Variants in PRKG1 observed in about 807,000 individuals in gnomAD.
PRKG1 encodes the protein cGMP-dependent protein kinase 1.
PRKG1 carries 35 observed loss-of-function variants against 88.1 expected under a neutral mutation model. The ratio of observed to expected loss-of-function variants is 0.40; its 90% CI spans 0.30 to 0.53. The LOEUF is 0.53. Among genes scored for constraint, PRKG1 ranks in the 20% least tolerant of loss-of-function variants. PRKG1 has a pLI of 0.59. For synonymous variants in PRKG1, 303 were observed against 292.5 expected, an observed-to-expected ratio of 1.04 and a Z score of -0.37; for missense variants, 540 against 839.8, an observed-to-expected ratio of 0.64 and a Z score of 4.41.
chr10:51,646,593 T>C (rs1353515150), intron 3 of PRKG1, among the ~76,000 whole-genome samples: 2 of 152,078 alleles, frequency 1.3e-5, no homozygotes, highest in Non-Finnish European at 2.9e-5. Context: ...ACAGTTACAT[T>C]AAAAACAATT....
chr10:52,041,979 T>G (rs1172938094), intron 5 of PRKG1, among the ~76,000 whole-genome samples: 1 of 152,170 alleles, frequency 6.6e-6, no homozygotes, highest in Non-Finnish European at 1.5e-5. Context: ...AAAAATTAGA[T>G]ACCTAGGAAT....
intron 3 of PRKG1, among the ~76,000 whole-genome samples, chr10:51,749,514 C>A (rs1463039005): frequency 2.0e-5 from 3 of 152,038 alleles, no homozygotes; most frequent in Non-Finnish European, 4.4e-5. Flanking sequence ...GATTATGACC[C>A]CTCCATTATG....
chr10:51,305,112 G>A (rs898816905), intron 2 of PRKG1, among the ~76,000 whole-genome samples: 1 of 152,144 alleles, frequency 6.6e-6, no homozygotes, highest in Non-Finnish European at 1.5e-5. Context: ...GATGGAGTGA[G>A]TCACAGGACT....
intron 3 of PRKG1, among the ~76,000 whole-genome samples, chr10:51,481,648 T>C (rs1005338860): frequency 6.6e-6 from 1 of 152,214 alleles, no homozygotes; most frequent in Non-Finnish European, 1.5e-5. Context: ...AAGTAACTCA[T>C]TATTGGCGTA....
chr10:52,242,517 G>T (rs571147977), intron 9 of PRKG1, among the ~76,000 whole-genome samples: 11 of 152,168 alleles, frequency 7.2e-5, no homozygotes, highest in Non-Finnish European at 1.3e-4. Flanking sequence ...TATGGCCAAT[G>T]ATTCCATTAA....
intron 4 of PRKG1, among the ~76,000 whole-genome samples, chr10:51,862,803 A>AT (rs964017051): frequency 6.6e-6 from 1 of 152,056 alleles, no homozygotes; most frequent in African/African-American, 2.4e-5. Context: ...CAACATGTGT[A>AT]TTTTTATAGC....
chr10:51,137,351 A>G (rs562351890), intron 1 of PRKG1, among the ~76,000 whole-genome samples: 7 of 152,234 alleles, frequency 4.6e-5, no homozygotes, highest in Non-Finnish European at 8.8e-5. Context: ...CTATAAATAT[A>G]TGACAGTAAA....
chr10:51,163,726 G>GC (rs1237389121), intron 2 of PRKG1, among the ~76,000 whole-genome samples: 5 of 152,200 alleles, frequency 3.3e-5, no homozygotes. Flanking sequence ...TTAAAAAACG[G>GC]CGCACCAGGA....
intron 2 of PRKG1, among the ~76,000 whole-genome samples, chr10:51,458,458 G>C (rs77274001): frequency 0.033 from 4,981 of 150,938 alleles, 93 homozygotes; most frequent in Admixed American, 0.058. Context: ...ACCAGATATG[G>C]TATGAATTAA....
At chr10:51,357,628 G>A (rs1189307) in intron 2 of PRKG1, among the ~76,000 whole-genome samples, 151,173 of 152,118 alleles carry the variant, frequency 0.99, 75,119 homozygotes, top group Middle Eastern at 1. Context: ...GTTATGCTTT[G>A]CATGGGAAAT....
intron 2 of PRKG1, among the ~76,000 whole-genome samples, chr10:51,236,478 T>C (rs1001535259): frequency 1.3e-5 from 2 of 151,906 alleles, no homozygotes; most frequent in African/African-American, 4.8e-5. Context: ...GGCAATAGTA[T>C]AGATGTTCAT....
chr10:51,311,044 A>C (rs1274428159), intron 2 of PRKG1, among the ~76,000 whole-genome samples: 9 of 152,038 alleles, frequency 5.9e-5, no homozygotes. Flanking sequence ...CATCTGAGGA[A>C]AGGTCACTAT....
intron 4 of PRKG1, among the ~76,000 whole-genome samples, chr10:51,859,929 T>C (rs1840826595): frequency 6.6e-6 from 1 of 152,196 alleles, no homozygotes; most frequent in South Asian, 2.1e-4. Flanking sequence ...TGGGCCCTAT[T>C]AGCCACTGGC....
At chr10:51,264,441 C>T (rs896921599) in intron 2 of PRKG1, among the ~76,000 whole-genome samples, 10 of 152,104 alleles carry the variant, frequency 6.6e-5, no homozygotes, top group African/African-American at 2.4e-4. Context: ...CAAAGAGATA[C>T]ATAAACATAC....
chr10:51,883,410 T>G (rs1034973123), intron 4 of PRKG1, among the ~76,000 whole-genome samples: 10 of 152,254 alleles, frequency 6.6e-5, no homozygotes, highest in African/African-American at 2.4e-4. Context: ...TAGATCCTAT[T>G]AGTTCTGTTT....
chr10:51,806,510 A>AT (rs1276410473), intron 4 of PRKG1, among the ~76,000 whole-genome samples: 1 of 152,188 alleles, frequency 6.6e-6, no homozygotes, highest in Non-Finnish European at 1.5e-5. Context: ...AACTGGCTGA[A>AT]TAAAAAAAGA....
At chr10:52,265,469 G>A (rs369690596) in intron 10 of PRKG1, among the ~76,000 whole-genome samples, 2 of 152,094 alleles carry the variant, frequency 1.3e-5, no homozygotes, top group Middle Eastern at 3.4e-3. Context: ...AATAAGCTAC[G>A]AGCTCTTAAT....
Position 51,035,824 on chromosome 10 carries a change from C to A in PRKG1, c.266+44180C>A, listed in dbSNP as rs192632008. On this transcript the variant is annotated intron_variant, in intron 1 of 17. Coordinates refer to the PRKG1 transcript ENST00000401604. The stretch of plus-strand genomic sequence containing the variant: ...TATAACCCTATTATCTAGCAATAAC[C>A]ATTAACATTCTCTTATATGTCTTTC... Among the ~76,000 whole-genome samples, 234 of 152,142 alleles carry A rather than the reference C, an allele frequency of 1.5e-3. 2 individuals carry two copies. The highest frequency in any genetic ancestry group is 5.6e-3 in the African/African-American group (231 of 41,530).
At chr10:51,622,732 T>A (rs895800293) in intron 3 of PRKG1, among the ~76,000 whole-genome samples, 1 of 152,228 alleles carries the variant, frequency 6.6e-6, no homozygotes, top group Non-Finnish European at 1.5e-5. Context: ...CTGACCATTA[T>A]TGTCAAAGGG....
Sources: gnomAD v4.1 joint callset for allele counts (sites outside exome capture counted in the v4.1 genomes callset) on GRCh38, gnomAD v4.1.1 for gene constraint, MANE v1.5 for transcripts, NCBI Gene and HGNC (gene_info 2026-07-23, HGNC 2026-07-21) for gene names.